LYPD6: variants seen among roughly 807,000 people sequenced by gnomAD.
The protein encoded by LYPD6 is ly6/PLAUR domain-containing protein 6.
LYPD6 carries 15 observed loss-of-function variants against 22.7 expected under a neutral mutation model. The observed-to-expected ratio is 0.66, with a 90% CI of 0.44 to 1.02. The LOEUF (loss-of-function observed/expected upper bound fraction) is 1.02, where lower values mean the gene tolerates loss of function less well. Among genes scored for constraint, LYPD6 ranks in the 50% least tolerant of loss-of-function variants. The pLI is 0.00. For synonymous variants in LYPD6, 72 were observed against 77.5 expected (o/e 0.93, Z 0.37); for missense variants, 189 against 208.4 (o/e 0.91, Z 0.57).
In LYPD6 at chr2:149,330,674, G is replaced by A. The variant is rs1188875593; in HGVS notation, c.-120G>A. ...TCTGGGGGCGCCGCAGTGTTCGTGG[G>A]ATGGGGCAGCGGGCTGCAGCTGGCG... On this transcript the variant is annotated 5_prime_UTR_variant, in exon 1 of 5. Coordinates refer to ENST00000334166, the MANE Select transcript of LYPD6 (RefSeq NM_194317.5). The A allele has an allele frequency of 6.6e-6, 1 of 152,008 alleles. No individual in the cohort carries two copies. The highest frequency in any genetic ancestry group is 6.6e-5 in the Admixed American group (1 of 15,266). 9.4% of individuals were successfully genotyped at this position (152,008 alleles called of 1,614,324 possible).
At chr2:149,463,494 A>AT (rs1681132063) in intron 3 of LYPD6, among the ~76,000 whole-genome samples, 1 of 152,216 alleles carries the variant, frequency 6.6e-6, no homozygotes, top group Non-Finnish European at 1.5e-5. Context: ...ACAACTAAAC[A>AT]TGCAACTACC....
intron 1 of LYPD6, among the ~76,000 whole-genome samples, chr2:149,436,944 G>A (rs1449583405): frequency 1.3e-5 from 2 of 152,186 alleles, no homozygotes; most frequent in African/African-American, 4.8e-5. Context: ...GTGTTTAACT[G>A]TGCAGACTCC....
chr2:149,348,642 A>G (rs1222640129), intron 1 of LYPD6, among the ~76,000 whole-genome samples: 1 of 152,266 alleles, frequency 6.6e-6, no homozygotes, highest in Non-Finnish European at 1.5e-5. Context: ...GCTGTCCAAC[A>G]TGCAAAGCCT....
chr2:149,362,634 G>A (rs577942165), intron 1 of LYPD6, among the ~76,000 whole-genome samples: 2 of 152,190 alleles, frequency 1.3e-5, no homozygotes, highest in Non-Finnish European at 2.9e-5. Context: ...TCAAGGATCT[G>A]GCATCTGCTG....
At chr2:149,455,062 C>T (rs1225566422) in intron 3 of LYPD6, among the ~76,000 whole-genome samples, 1 of 152,060 alleles carries the variant, frequency 6.6e-6, no homozygotes, top group Non-Finnish European at 1.5e-5. Flanking sequence ...TGTCAGGCAC[C>T]ACTCAGGGGG....
At chr2:149,457,480 C>G (rs1237573651) in intron 3 of LYPD6, among the ~76,000 whole-genome samples, 1 of 152,128 alleles carries the variant, frequency 6.6e-6, no homozygotes, top group African/African-American at 2.4e-5. Context: ...GCCTGATTCT[C>G]AAGATTATAA....
intron 3 of LYPD6, among the ~76,000 whole-genome samples, chr2:149,451,875 C>T (rs567315970): frequency 3.9e-5 from 6 of 152,188 alleles, no homozygotes; most frequent in South Asian, 2.1e-4. Flanking sequence ...AGGGAGCAGG[C>T]GGTTTAGTTG....
intron 1 of LYPD6, among the ~76,000 whole-genome samples, chr2:149,398,413 TTGTGTGTGTG>T (rs10584410): frequency 0.014 from 2,007 of 147,846 alleles, 35 homozygotes; most frequent in African/African-American, 0.045. Flanking sequence ...AAAGATGGCT[TTGTGTGTGTG>T]TGTGTGTGTG....
chr2:149,384,892 A>G (rs1042364132), intron 1 of LYPD6, among the ~76,000 whole-genome samples: 1 of 64,206 alleles, frequency 1.6e-5, no homozygotes, highest in East Asian at 5.6e-4. Flanking sequence ...CCCCCACCCC[A>G]CAACAGTCCC....
chr2:149,437,841 T>G lies in LYPD6; in HGVS notation c.118+15T>G. On this transcript the variant is annotated intron_variant, in intron 2 of 4. Transcript: ENST00000334166. ...CCATCCTTCAAGTAAGACTGTTCTC[T>G]TTGCTGCAGAAATATCACTTTATTT... 1 of 1,612,954 alleles carries G rather than the reference T, an allele frequency of 6.2e-7. No individual in the cohort carries two copies. Among genetic ancestry groups the G allele is most frequent in the Non-Finnish European group, 8.5e-7 (1 of 1,178,954 alleles).
intron 1 of LYPD6, among the ~76,000 whole-genome samples, chr2:149,341,642 C>CAAA (rs1681163708): frequency 6.6e-6 from 1 of 152,094 alleles, no homozygotes; most frequent in Admixed American, 6.6e-5. Flanking sequence ...AAATTTATAT[C>CAAA]AAACAAAAAT....
chr2:149,408,030 G>A (rs149153668), intron 1 of LYPD6, among the ~76,000 whole-genome samples: 4 of 152,098 alleles, frequency 2.6e-5, no homozygotes, highest in Admixed American at 1.3e-4. Flanking sequence ...TATCAGCAGC[G>A]GTGTTTGCAA....
upstream of LYPD6, chr2:149,330,283 C>T (rs1318938506): frequency 6.6e-6 from 1 of 151,856 alleles, no homozygotes; most frequent in East Asian, 2.0e-4. Flanking sequence ...CCAAATCTCT[C>T]CAGTTCCGCT....
At chr2:149,378,440 T>A (rs114159908) in intron 1 of LYPD6, among the ~76,000 whole-genome samples, 1 of 152,234 alleles carries the variant, frequency 6.6e-6, no homozygotes, top group Non-Finnish European at 1.5e-5. Flanking sequence ...TTAAGAGGAC[T>A]TGTCCCATCA....
At chr2:149,450,783 C>G (rs542151532) in intron 3 of LYPD6, among the ~76,000 whole-genome samples, 2 of 152,318 alleles carry the variant, frequency 1.3e-5, no homozygotes, top group South Asian at 4.1e-4. Context: ...ACACTAACAC[C>G]TAGATTTGTT....
At chr2:149,365,860 T>C (rs1681651257) in intron 1 of LYPD6, among the ~76,000 whole-genome samples, 1 of 152,170 alleles carries the variant, frequency 6.6e-6, no homozygotes, top group African/African-American at 2.4e-5. Flanking sequence ...CCAATTTTAA[T>C]CTTGGGAGTT....
intron 1 of LYPD6, among the ~76,000 whole-genome samples, chr2:149,367,509 C>A (rs888547500): frequency 6.6e-6 from 1 of 152,168 alleles, no homozygotes. Context: ...ATTACACAAG[C>A]GCATTAACAC....
intron 1 of LYPD6, among the ~76,000 whole-genome samples, chr2:149,411,570 G>T (rs1052245781): frequency 1.4e-4 from 21 of 152,238 alleles, no homozygotes; most frequent in Admixed American, 1.3e-3. Context: ...TTAGTGGGTT[G>T]GCAGTGTGGG....
chr2:149,483,809 CT>C, the LYPD6 span, among the ~76,000 whole-genome samples: 2,086 of 152,184 alleles, frequency 0.014, 66 homozygotes, highest in Admixed American at 0.075. Context: ...TTGAAGTATA[CT>C]TTTTTTCTGA....
Sources: gnomAD v4.1 joint callset for allele counts (sites outside exome capture counted in the v4.1 genomes callset) on GRCh38, gnomAD v4.1.1 for gene constraint, MANE v1.5 for transcripts, NCBI Gene and HGNC (gene_info 2026-07-23, HGNC 2026-07-21) for gene names.